The following KCTD10 variants were observed in gnomAD, a reference collection of about 807,000 sequenced individuals.
The protein encoded by KCTD10 is BTB/POZ domain-containing adapter for CUL3-mediated RhoA degradation protein 3.
Under a neutral mutation model 34.6 loss-of-function variants are expected in KCTD10, and 13 were observed. The observed-to-expected ratio is 0.38, with a 90% CI of 0.24 to 0.60. The LOEUF (loss-of-function observed/expected upper bound fraction) is 0.60. Ranked by LOEUF, KCTD10 falls within the 20% of genes least tolerant of loss-of-function variation. The probability of loss-of-function intolerance (pLI) is 0.66; values close to 1 mark genes in which losing one functional copy is unlikely to be tolerated. For synonymous variants in KCTD10, 156 were observed against 168.8 expected (o/e 0.92, Z 0.59); for missense variants, 256 against 420.3 (o/e 0.61, Z 3.42).
chr12:109,469,997 C>A, intron 1 of KCTD10: 1 of 1,215,038 alleles, frequency 8.2e-7, no homozygotes, highest in Non-Finnish European at 1.1e-6. Context: ...CATGCATCCC[C>A]TAGTTTGTCC....
rs76929980 is a variant in KCTD10 at position 109,450,251 on chromosome 12, C to T, written c.*1344G>A. 61 of 398,530 alleles carry T rather than the reference C, an allele frequency of 1.5e-4. No individual in the cohort carries two copies. The highest frequency in any genetic ancestry group is 9.3e-4 in the African/African-American group (45 of 48,626). 24.7% of individuals were successfully genotyped at this position (398,530 alleles called of 1,614,324 possible). On this transcript the variant is annotated 3_prime_UTR_variant, in exon 7 of 7. Transcript: ENST00000228495. Reference sequence around the variant, plus strand: ...TAGTCTCAACCACCCCTGTCAGTCACGACTCACTCCTGTTCCTTTGCAGGT... The same window carrying T: ...TAGTCTCAACCACCCCTGTCAGTCATGACTCACTCCTGTTCCTTTGCAGGT...
At chr12:109,454,710 C>T (rs1432435171) in intron 6 of KCTD10, among the ~76,000 whole-genome samples, 2 of 152,196 alleles carry the variant, frequency 1.3e-5, no homozygotes, top group African/African-American at 4.8e-5. Flanking sequence ...GCCTGGGTGA[C>T]AGAGCAACAC....
chr12:109,455,037 C>A (rs552570084), intron 6 of KCTD10, among the ~76,000 whole-genome samples: 56 of 151,234 alleles, frequency 3.7e-4, no homozygotes, highest in African/African-American at 1.3e-3. Context: ...GAATTCACAG[C>A]CCTGAAAAAA....
Position 109,469,718 on chromosome 12 carries a change from G to T in KCTD10, c.14C>A (p.Ser5Ter). The T allele has an allele frequency of 6.2e-7, 1 of 1,614,198 alleles. No individual in the cohort carries two copies. ...CGCTGAGCTCACCACACTTTCTCCT[G>T]ACATCTCTTCCTGCCAGTGGAGAGG... MEEM[S>*]GESVVSSAVP... Residue 5 changes from serine (S) to a stop codon, truncating the protein, a stop_gained, in exon 2 of 7, where the codon TCA becomes TAA. Coordinates refer to ENST00000228495, the MANE Select transcript of KCTD10 (RefSeq NM_031954.5). LOFTEE classifies it high-confidence loss of function.
intron 6 of KCTD10, among the ~76,000 whole-genome samples, chr12:109,454,053 A>ATC (rs1872905192): frequency 6.6e-6 from 1 of 152,220 alleles, no homozygotes; most frequent in South Asian, 2.1e-4. Flanking sequence ...AAACAAAAAC[A>ATC]TCAATGTTCT....
At chr12:109,470,681 C>G in intron 1 of KCTD10, 1 of 767,210 alleles carries the variant, frequency 1.3e-6, no homozygotes, top group Non-Finnish European at 1.6e-6. Context: ...TCAGACAAGG[C>G]CACTCTGTGC....
chr12:109,471,254 C>T lies in KCTD10; in HGVS notation c.4-1526G>A, dbSNP rs2135680304. ...GGGAGTAAAGGGAGGCAGCTTGCAA[C>T]AGCAGAAGCAACGCGACAGTCATGG... On this transcript the variant is annotated intron_variant, in intron 1 of 6. Transcript: ENST00000228495. 6.1e-6 allele frequency: 6 copies of T among 985,430 alleles called. No homozygotes were observed. The African/African-American group carries it at 8.7e-5, about 14-fold the overall frequency. 61.0% of individuals were successfully genotyped at this position (985,430 alleles called of 1,614,324 possible). A position where few individuals can be genotyped will look rare whatever the true frequency, so the allele number is the denominator to read the frequency against.
intron 1 of KCTD10, among the ~76,000 whole-genome samples, chr12:109,473,771 C>A (rs998739762): frequency 6.7e-6 from 1 of 149,220 alleles, no homozygotes; most frequent in Non-Finnish European, 1.5e-5. Flanking sequence ...ACTGTTGCTA[C>A]TGGAATCCTG....
chr12:109,463,509 T>C lies in KCTD10; in HGVS notation c.218-2704A>G, dbSNP rs539577556. Among the ~76,000 whole-genome samples the C allele has an allele frequency of 1.1e-3, 162 of 152,262 alleles. 2 individuals carry two copies. Among genetic ancestry groups the C allele is most frequent in the African/African-American group, 3.8e-3 (156 of 41,556 alleles). ...AATGGAAGTCAAGCAGCTCCTCGCA[T>C]GTGGGGGGTCTCTCTCCTGCTGCCA... On this transcript the variant is annotated intron_variant, in intron 2 of 6. Transcript: ENST00000228495.
At chr12:109,476,147 C>G (rs2135692740) in intron 1 of KCTD10, among the ~76,000 whole-genome samples, 1 of 152,318 alleles carries the variant, frequency 6.6e-6, no homozygotes, top group South Asian at 2.1e-4. Context: ...ATGTCTGATT[C>G]AGTAGTCTCT....
At chr12:109,475,990 T>C (rs956190970) in intron 1 of KCTD10, among the ~76,000 whole-genome samples, 5 of 152,218 alleles carry the variant, frequency 3.3e-5, no homozygotes, top group Non-Finnish European at 7.3e-5. Context: ...CCCCACTTTT[T>C]TGGGGAGAAA....
intron 1 of KCTD10, chr12:109,470,570 T>C (rs1873835871): frequency 1.0e-6 from 1 of 985,280 alleles, no homozygotes; most frequent in Non-Finnish European, 1.2e-6. Flanking sequence ...GAGGTGGAGA[T>C]GTGCAAGGGT....
intron 6 of KCTD10, among the ~76,000 whole-genome samples, chr12:109,453,444 T>C (rs1872873696): frequency 6.6e-6 from 1 of 152,202 alleles, no homozygotes; most frequent in South Asian, 2.1e-4. Flanking sequence ...TCCTTCTGCT[T>C]TGGCCTCCCA....
In KCTD10 at chr12:109,460,680, A is replaced by G. The variant is rs1873271463; in HGVS notation, c.343T>C (p.Tyr115His). 1 of 1,614,066 alleles carries G rather than the reference A, an allele frequency of 6.2e-7. No homozygotes were observed. The highest frequency in any genetic ancestry group is 8.5e-7 in the Non-Finnish European group (1 of 1,180,036). ...IEELLAEAKY[Y>H]LVQGLVEECQ... ...TCTTCCACCAGGCCTTGGACTAGGT[A>G]GTACTTGGCTTCTGCTAGCAGCTCC... Residue 115 changes from tyrosine (Y) to histidine (H), a missense_variant, in exon 3 of 7, where the codon TAC becomes CAC. Tyr to His is a moderately conservative substitution (Grantham distance 83). Transcript: ENST00000228495. The surrounding 1 kb of genome is among the most constrained non-coding windows in gnomAD (Gnocchi z 4.5).
In KCTD10 at chr12:109,463,308, G is replaced by A. The variant is rs67329178; in HGVS notation, c.218-2503C>T. Among the ~76,000 whole-genome samples the A allele has an allele frequency of 6.0e-3, 914 of 152,304 alleles. 5 individuals are homozygous for A. Among genetic ancestry groups the A allele is most frequent in the Non-Finnish European group, 0.011 (735 of 68,034 alleles). ...CACTGGGCTCCGGCTCAAGAATGCC[G>A]TCAGGAAATGCTTGTGGCGAAAGAA... On this transcript the variant is annotated intron_variant, in intron 2 of 6. Coordinates refer to ENST00000228495, the MANE Select transcript of KCTD10 (RefSeq NM_031954.5).
rs1872729701 is a variant in KCTD10 at position 109,450,720 on chromosome 12, C to T, written c.*875G>A. ...ATCCCAGGGAGGGGTAGTTTATGAG[C>T]TATGCCTGTCACAGGGTCAGATGGC... On this transcript the variant is annotated 3_prime_UTR_variant, in exon 7 of 7. Coordinates refer to ENST00000228495, the MANE Select transcript of KCTD10 (RefSeq NM_031954.5). 1.0e-5 allele frequency: 2 copies of T among 197,204 alleles called. No homozygotes were observed. Among genetic ancestry groups the T allele is most frequent in the African/African-American group, 4.6e-5 (2 of 43,160 alleles). 12.2% of individuals were successfully genotyped at this position (197,204 alleles called of 1,614,324 possible).
At chr12:109,465,483 C>T (rs1331720596) in intron 2 of KCTD10, among the ~76,000 whole-genome samples, 1 of 152,136 alleles carries the variant, frequency 6.6e-6, no homozygotes, top group Non-Finnish European at 1.5e-5. Flanking sequence ...AGTCCTACTG[C>T]CTGGGCCACA....
chr12:109,460,487 C>T lies in KCTD10; in HGVS notation c.387+149G>A, dbSNP rs564630792. 4 of 806,782 alleles carry T rather than the reference C, an allele frequency of 5.0e-6. No homozygotes were observed. Among genetic ancestry groups the T allele is most frequent in the African/African-American group, 3.5e-5 (2 of 57,726 alleles). 50.0% of individuals were successfully genotyped at this position (806,782 alleles called of 1,614,324 possible). On this transcript the variant is annotated intron_variant, in intron 3 of 6. Coordinates refer to ENST00000228495, the MANE Select transcript of KCTD10 (RefSeq NM_031954.5). The surrounding 1 kb of genome is among the most constrained non-coding windows in gnomAD (Gnocchi z 4.5). ...GAGGCCTCTCAGGGGTCACTCCAAC[C>T]GAAGGAATCGGGCTCCAGGGCAAAC...
intron 5 of KCTD10, chr12:109,457,100 T>A (rs1873058638): frequency 6.4e-6 from 1 of 155,992 alleles, no homozygotes; most frequent in Non-Finnish European, 1.4e-5. Flanking sequence ...TGATTCATGC[T>A]ACAACATGGA....
Sources: gnomAD v4.1 joint callset for allele counts (sites outside exome capture counted in the v4.1 genomes callset) on GRCh38, gnomAD v4.1.1 for gene constraint, Gnocchi (gnomAD v3.1) non-coding constraint, MANE v1.5 for transcripts, NCBI Gene and HGNC (gene_info 2026-07-23, HGNC 2026-07-21) for gene names.